The following NCKAP5 variants were observed in gnomAD, a reference collection of about 807,000 sequenced individuals.
NCKAP5 encodes NCK associated protein 5.
NCKAP5 carries 92 observed loss-of-function variants against 167.0 expected under a neutral mutation model. That is an observed-to-expected ratio of 0.55 (90% CI 0.47 to 0.66). NCKAP5 has a LOEUF of 0.66. NCKAP5 is among the 30% of genes least tolerant of loss of function. The probability of loss-of-function intolerance (pLI) is 0.00; values close to 1 mark genes in which losing one functional copy is unlikely to be tolerated. For missense variants in NCKAP5, 2,378 were observed against 2,315.0 expected (o/e 1.03, Z -0.56); for synonymous variants, 891 against 877.4 (o/e 1.02, Z -0.27).
At chr2:133,031,373 C>T (rs2078873853) in intron 6 of NCKAP5, among the ~76,000 whole-genome samples, 1 of 152,158 alleles carries the variant, frequency 6.6e-6, no homozygotes, top group Non-Finnish European at 1.5e-5. Context: ...GGACCAAACT[C>T]AGCTGCTGCC....
chr2:133,622,961 CA>C, the NCKAP5 span, among the ~76,000 whole-genome samples: 9,116 of 152,170 alleles, frequency 0.06, 320 homozygotes, highest in Middle Eastern at 0.088. Context: ...GCACATAGAC[CA>C]ATGCAACAGA....
intron 5 of NCKAP5, among the ~76,000 whole-genome samples, chr2:133,132,475 A>C (rs1325789586): frequency 7.4e-6 from 1 of 134,304 alleles, no homozygotes. Context: ...AAACATGAAA[A>C]AAAAAGCACA....
At chr2:133,319,030 A>G (rs1681826113) in intron 3 of NCKAP5, among the ~76,000 whole-genome samples, 1 of 152,000 alleles carries the variant, frequency 6.6e-6, no homozygotes, top group African/African-American at 2.4e-5. Context: ...GGGCCCAACA[A>G]TGTATGGTTT....
chr2:133,012,396 C>T (rs377174871), intron 6 of NCKAP5, among the ~76,000 whole-genome samples: 39 of 152,218 alleles, frequency 2.6e-4, no homozygotes, highest in African/African-American at 7.9e-4. Context: ...TACAGGTGCA[C>T]GCCGCCATGC....
At chr2:133,103,841 T>G (rs567989336) in intron 6 of NCKAP5, among the ~76,000 whole-genome samples, 2 of 152,314 alleles carry the variant, frequency 1.3e-5, no homozygotes, top group East Asian at 3.9e-4. Context: ...GTTTTGGCTC[T>G]TCCTCATCCC....
chr2:132,754,231 T>C lies in NCKAP5; in HGVS notation c.5128+19585A>G, dbSNP rs1680350726. ...GGCTGGTTTCTCTTCTCTGTCTGACTTCCCCTATCGATCTTTCCTGTACTT... is the reference window on the plus strand; with the variant it reads ...GGCTGGTTTCTCTTCTCTGTCTGACCTCCCCTATCGATCTTTCCTGTACTT... On this transcript the variant is annotated intron_variant, in intron 16 of 19. Coordinates refer to ENST00000409261, the MANE Select transcript of NCKAP5 (RefSeq NM_207363.3). Among the ~76,000 whole-genome samples the C allele has an allele frequency of 5.9e-5, 9 of 152,314 alleles. 1 individual carries two copies. The South Asian group carries it at 1.7e-3, about 28-fold the overall frequency.
the NCKAP5 span, among the ~76,000 whole-genome samples, chr2:133,619,267 G>A: frequency 9.5e-6 from 1 of 105,664 alleles, no homozygotes; most frequent in Non-Finnish European, 2.2e-5. Context: ...TAACTAACCT[G>A]CACATTGTGC....
At chr2:133,125,939 T>A (rs534649434) in intron 6 of NCKAP5, among the ~76,000 whole-genome samples, 1 of 152,134 alleles carries the variant, frequency 6.6e-6, no homozygotes, top group African/African-American at 2.4e-5. Context: ...TGGCTGAAGG[T>A]TTGGTGGTGA....
At chr2:133,316,235 C>G (rs1345209517) in intron 3 of NCKAP5, among the ~76,000 whole-genome samples, 1 of 152,218 alleles carries the variant, frequency 6.6e-6, no homozygotes, top group Non-Finnish European at 1.5e-5. Flanking sequence ...CCTTGAAACA[C>G]CTCCAATACC....
At chr2:133,094,751 A>C (rs2081294108) in intron 6 of NCKAP5, among the ~76,000 whole-genome samples, 1 of 152,184 alleles carries the variant, frequency 6.6e-6, no homozygotes, top group Non-Finnish European at 1.5e-5. Flanking sequence ...AGTGGACCTA[A>C]TCTAATCATA....
At chr2:133,190,303 T>C (rs1389379502) in intron 5 of NCKAP5, among the ~76,000 whole-genome samples, 2 of 152,222 alleles carry the variant, frequency 1.3e-5, no homozygotes, top group Non-Finnish European at 2.9e-5. Context: ...GAACATTCCA[T>C]GTTCATGGAT....
At chr2:132,812,431 C>A (rs1431966146) in intron 11 of NCKAP5, among the ~76,000 whole-genome samples, 1 of 152,154 alleles carries the variant, frequency 6.6e-6, no homozygotes, top group Non-Finnish European at 1.5e-5. Context: ...AGGATTTGAA[C>A]CTGGACATAA....
the NCKAP5 span, among the ~76,000 whole-genome samples, chr2:133,667,516 G>A: frequency 6.6e-6 from 1 of 151,978 alleles, no homozygotes; most frequent in Admixed American, 6.6e-5. Flanking sequence ...CCTCGACAGG[G>A]CTGATTCCCT....
rs1325415743 is a variant in NCKAP5 at position 132,672,112 on chromosome 2, G to T, written c.*1177C>A. ...TTATCCTTACATATAAACAGTCTTT[G>T]TAGAAAAAAAAGGATATTAAAAAGA... On this transcript the variant is annotated 3_prime_UTR_variant, in exon 20 of 20. Transcript: ENST00000409261. The T allele has an allele frequency of 6.6e-6, 1 of 152,356 alleles. No individual in the cohort carries two copies. Among genetic ancestry groups the T allele is most frequent in the Non-Finnish European group, 1.5e-5 (1 of 67,962 alleles). The allele number at this position is 152,356 out of a possible 1,614,324, so 9.4% of individuals were successfully genotyped here. A position where few individuals can be genotyped will look rare whatever the true frequency, so the allele number is the denominator to read the frequency against.
At chr2:133,180,521 T>G (rs369769576) in intron 5 of NCKAP5, among the ~76,000 whole-genome samples, 1 of 152,054 alleles carries the variant, frequency 6.6e-6, no homozygotes, top group Non-Finnish European at 1.5e-5. Flanking sequence ...TATTTTTTTG[T>G]AGAGACGCGG....
intron 3 of NCKAP5, among the ~76,000 whole-genome samples, chr2:133,323,981 T>C (rs997391967): frequency 1.3e-5 from 2 of 152,240 alleles, no homozygotes; most frequent in South Asian, 2.1e-4. Flanking sequence ...TGGCACAAAG[T>C]TGTCCTAGCT....
intron 4 of NCKAP5, among the ~76,000 whole-genome samples, chr2:133,217,428 A>G (rs149925962): frequency 3.1e-4 from 47 of 152,274 alleles, no homozygotes; most frequent in Admixed American, 2.6e-3. Flanking sequence ...TTTTCTCTGT[A>G]TACTGAAACA....
the NCKAP5 span, among the ~76,000 whole-genome samples, chr2:133,622,676 A>G: frequency 6.6e-6 from 1 of 152,218 alleles, no homozygotes; most frequent in Non-Finnish European, 1.5e-5. Flanking sequence ...ACAAACAGAA[A>G]ACACACTCCA....
chr2:133,454,468 A>G (rs891034952), intron 3 of NCKAP5, among the ~76,000 whole-genome samples: 1 of 152,106 alleles, frequency 6.6e-6, no homozygotes, highest in African/African-American at 2.4e-5. Context: ...CAAATCATGT[A>G]ATATTTATTA....
Sources: allele counts gnomAD v4.1 joint callset (sites outside exome capture counted in the v4.1 genomes callset), GRCh38; gene constraint gnomAD v4.1.1; transcripts MANE v1.5; gene names NCBI Gene and HGNC (gene_info 2026-07-23, HGNC 2026-07-21).